Variants in CENPN observed in about 807,000 individuals in gnomAD.
CENPN encodes the protein interphase centromere complex protein 32.
CENPN carries 36 observed loss-of-function variants against 48.6 expected under a neutral mutation model. The observed-to-expected ratio is 0.74, with a 90% CI of 0.57 to 0.98. CENPN has a LOEUF of 0.98. Ranked by LOEUF, CENPN falls within the 50% of genes least tolerant of loss-of-function variation. The pLI is 0.00. For synonymous variants in CENPN, 166 were observed against 135.2 expected (o/e 1.23, Z -1.58); for missense variants, 439 against 399.2 (o/e 1.10, Z -0.85).
chr16:81,020,338 AT>A, intron 6 of CENPN, 62 bp downstream of exon 6: 1 of 1,468,818 alleles, frequency 6.8e-7, no homozygotes, highest in Non-Finnish European at 9.2e-7. Context: ...GTCTATATAG[AT>A]TTTAACTGTT....
At chr16:81,020,431 G>C (rs1970129872) in intron 6 of CENPN, 155 bp downstream of exon 6, 1 of 684,432 alleles carries the variant, frequency 1.5e-6, no homozygotes, top group Non-Finnish European at 2.2e-6. Flanking sequence ...GCTGAAGTGG[G>C]AGGATTGCTC....
At chr16:81,025,058 A>C (rs1019662635) in intron 8 of CENPN, among the ~76,000 whole-genome samples, 5 of 152,252 alleles carry the variant, frequency 3.3e-5, no homozygotes, top group African/African-American at 1.2e-4. Context: ...CCACACTAAG[A>C]TGTTTATATG....
intron 7 of CENPN, chr16:81,023,132 C>G: frequency 2.8e-6 from 1 of 351,280 alleles, no homozygotes; most frequent in South Asian, 2.6e-5. Context: ...TCCCAAAGTT[C>G]ATTTGTTAAA....
rs769040936 is a variant in CENPN at position 81,022,662 on chromosome 16, C to G, written c.597C>G (p.Asp199Glu). Residue 199 changes from aspartate (D) to glutamate (E), a missense_variant, in exon 7 of 11, where the codon GAC (aspartate) becomes GAG (glutamate). By Grantham distance (45) the Asp-to-Glu change is conservative (BLOSUM62 2). Transcript: ENST00000305850. ...VKMDLRSRYL[D>E]SLKAIVFKQY... ...TGGACCTGAGAAGTCGGTATCTGGA[C>G]TCTCTTAAGGCTATTGTTTTTAAAC... is the stretch of plus-strand genomic sequence containing the variant. 3.1e-6 allele frequency: 5 copies of G among 1,614,042 alleles called. No individual in the cohort carries two copies. The highest frequency in any genetic ancestry group is 4.2e-6 in the Non-Finnish European group (5 of 1,179,960).
chr16:81,028,687 T>C lies in CENPN; in HGVS notation c.*36T>C, dbSNP rs765130647. 1.9e-6 allele frequency: 3 copies of C among 1,596,204 alleles called. No homozygotes were observed. The highest frequency in any genetic ancestry group is 2.6e-6 in the Non-Finnish European group (3 of 1,175,276). ...GTTTCTTAAGCACAGCTCCTCCTTC[T>C]TGATATTGCACATGCACTTCAGTTC... On this transcript the variant is annotated 3_prime_UTR_variant, in exon 11 of 11. Transcript: ENST00000305850.
intron 3 of CENPN, 79 bp from the exon 4 acceptor site, chr16:81,017,247 A>G: frequency 1.1e-6 from 1 of 927,148 alleles, no homozygotes. Context: ...CCCCAGTTTT[A>G]AAGTATAGAA....
intron 8 of CENPN, 102 bp downstream of exon 8, chr16:81,024,880 CT>C: frequency 1.5e-6 from 1 of 672,692 alleles, no homozygotes. Flanking sequence ...TAATTTAAAA[CT>C]TTTATTGTTT....
intron 6 of CENPN, 88 bp from the exon 7 acceptor site, chr16:81,022,509 A>T: frequency 9.2e-7 from 1 of 1,085,058 alleles, no homozygotes; most frequent in Non-Finnish European, 1.4e-6. Context: ...ACTATTCCCT[A>T]ATTGCAGCTC....
downstream of CENPN, among the ~76,000 whole-genome samples, chr16:81,031,943 C>T (rs1448872029): frequency 3.9e-5 from 6 of 152,146 alleles, no homozygotes; most frequent in Non-Finnish European, 5.9e-5. Context: ...ATGGCCAACT[C>T]ACTGTTTCAT....
downstream of CENPN, among the ~76,000 whole-genome samples, chr16:81,032,078 C>T (rs955241820): frequency 2.0e-5 from 3 of 152,096 alleles, no homozygotes; most frequent in Non-Finnish European, 4.4e-5. Context: ...AGTCAAGGTC[C>T]CTCCAACCTT....
chr16:81,021,175 G>C (rs764447053), intron 6 of CENPN, among the ~76,000 whole-genome samples: 1 of 151,420 alleles, frequency 6.6e-6, no homozygotes, highest in Non-Finnish European at 1.5e-5. Flanking sequence ...TGTATAATTT[G>C]CTTATTAATG....
At chr16:81,014,500 GGTGTGAACCGCT>G (rs1969862187) in intron 3 of CENPN, 2 of 281,620 alleles carry the variant, frequency 7.1e-6, no homozygotes, top group Non-Finnish European at 1.4e-5. Flanking sequence ...TGGGATTATA[GGTGTGAACCGCT>G]GTACTTGTCC....
At position 81,029,116 on chromosome 16, in the gene CENPN, C is replaced by A. The variant is rs1283537120; in HGVS notation, c.*465C>A. On this transcript the variant is annotated 3_prime_UTR_variant, in exon 11 of 11. Transcript: ENST00000305850. ...TCAACTCAAAACTTTTTAGGAGAAT[C>A]ATGAAATTGGTCTATTCAAAGGATG... The A allele has an allele frequency of 4.1e-6, 4 of 985,538 alleles. No homozygotes were observed. The highest frequency in any genetic ancestry group is 4.8e-6 in the Non-Finnish European group (4 of 830,176). The allele number at this position is 985,538 out of a possible 1,614,324, so 61.0% of individuals were successfully genotyped here. A position where few individuals can be genotyped will look rare whatever the true frequency, so the allele number is the denominator to read the frequency against.
At chr16:81,025,383 TA>T (rs1381571236) in intron 8 of CENPN, among the ~76,000 whole-genome samples, 1 of 152,090 alleles carries the variant, frequency 6.6e-6, no homozygotes, top group Non-Finnish European at 1.5e-5. Context: ...TAAAAATTCA[TA>T]AAAAAATGAA....
At chr16:81,024,606 C>A (rs1359389187) in intron 7 of CENPN, 109 bp from the exon 8 acceptor site, 7 of 695,288 alleles carry the variant, frequency 1.0e-5, no homozygotes, top group Non-Finnish European at 1.6e-5. Flanking sequence ...TTGGATCTTT[C>A]TGTTGGAAAA....
At position 81,028,603 on chromosome 16, in the gene CENPN, T is replaced by A; in HGVS notation, c.972T>A (p.Thr324=). The part of the protein sequence containing the change: ...IADAPLSPLL[T]CIPNKRMNYF... The stretch of plus-strand genomic sequence containing the variant: ...ATGCTCCACTTTCTCCACTGCTCAC[T>A]TGCATACCCAACAAGAGAATGAATT... The change falls in exon 11 of 11, where the codon ACT becomes ACA. Residue 324 remains threonine, a synonymous_variant. Coordinates refer to ENST00000305850, the MANE Select transcript of CENPN (RefSeq NM_001100624.3). 1 of 1,612,114 alleles carries A rather than the reference T, an allele frequency of 6.2e-7. No individual in the cohort carries two copies. The highest frequency in any genetic ancestry group is 8.5e-7 in the Non-Finnish European group (1 of 1,179,458).
In CENPN at chr16:81,026,595, T is replaced by G; in HGVS notation, c.767T>G (p.Phe256Cys). 6.2e-7 allele frequency: 1 copy of G among 1,604,976 alleles called. No homozygotes were observed. Among genetic ancestry groups the G allele is most frequent in the Non-Finnish European group, 8.5e-7 (1 of 1,173,484 alleles). ...GTCCAACGAATAACTCAAGAAACAT[T>G]TGGAGATTATCCTCAACCACAACTA... ...ERVQRITQET[F>C]GDYPQPQLEF... Residue 256 changes from phenylalanine (F) to cysteine (C), a missense_variant, in exon 9 of 11, where the codon TTT (phenylalanine) becomes TGT (cysteine). Physicochemically the swap from Phe to Cys is radical, Grantham distance 205. Transcript: ENST00000305850.
intron 8 of CENPN, among the ~76,000 whole-genome samples, chr16:81,026,040 G>A (rs999212162): frequency 1.4e-5 from 2 of 147,832 alleles, no homozygotes; most frequent in African/African-American, 5.0e-5. Context: ...TATATAGGCT[G>A]GGTGCCATGG....
intron 8 of CENPN, 130 bp downstream of exon 8, chr16:81,024,908 GTAAA>G (rs1970394049): frequency 2.0e-6 from 1 of 509,828 alleles, no homozygotes; most frequent in African/African-American, 2.0e-5. Flanking sequence ...AAATTGAAAA[GTAAA>G]TATCTGTTGA....
Sources: allele counts gnomAD v4.1 joint callset (sites outside exome capture counted in the v4.1 genomes callset), GRCh38; gene constraint gnomAD v4.1.1; transcripts MANE v1.5; gene names NCBI Gene and HGNC (gene_info 2026-07-23, HGNC 2026-07-21).